PRICKLE2: variants seen among roughly 807,000 people sequenced by gnomAD.
PRICKLE2 encodes the protein prickle-like protein 2.
A neutral mutation model predicts 81.4 loss-of-function variants in PRICKLE2; 21 were observed. The ratio of observed to expected loss-of-function variants is 0.26; its 90% CI spans 0.18 to 0.37. The LOEUF (loss-of-function observed/expected upper bound fraction) is 0.37, where lower values mean the gene tolerates loss of function less well. PRICKLE2 is among the 10% of genes least tolerant of loss of function. PRICKLE2 has a pLI of 1.00. For synonymous variants in PRICKLE2, 456 were observed against 421.5 expected, an observed-to-expected ratio of 1.08 and a Z score of -1.00; for missense variants, 940 against 1,109.0, an observed-to-expected ratio of 0.85 and a Z score of 2.16.
intron 2 of PRICKLE2, among the ~76,000 whole-genome samples, chr3:64,258,868 A>AG (rs796939540): frequency 2.7e-5 from 4 of 150,584 alleles, no homozygotes; most frequent in African/African-American, 4.9e-5. Context: ...AAAGAAAGAA[A>AG]GAAAGAAAGA....
chr3:64,258,859 A>C (rs1438838389), intron 2 of PRICKLE2, among the ~76,000 whole-genome samples: 2 of 147,246 alleles, frequency 1.4e-5, no homozygotes, highest in South Asian at 4.3e-4. Context: ...GAAAGAAAGA[A>C]AGAAAGAAAG....
intron 2 of PRICKLE2, among the ~76,000 whole-genome samples, chr3:64,247,166 C>T (rs997919194): frequency 2.0e-5 from 3 of 152,284 alleles, no homozygotes; most frequent in South Asian, 2.1e-4. Context: ...TCTAGTAAAA[C>T]GTCCTCTAGC....
chr3:64,157,158 T>C lies in PRICKLE2; in HGVS notation c.600+4A>G. 6.2e-7 allele frequency: 1 copy of C among 1,613,846 alleles called. No homozygotes were observed. The highest frequency in any genetic ancestry group is 1.1e-5 in the South Asian group (1 of 91,074). Reference sequence around the variant, plus strand: ...CAGGTAAACCTGCTGGAGTTTGCTCTAACCTCATCGCAGGCAGCACAGCGC... The same window carrying C: ...CAGGTAAACCTGCTGGAGTTTGCTCCAACCTCATCGCAGGCAGCACAGCGC... On this transcript the variant is annotated splice_donor_region_variant and intron_variant, in intron 5 of 7. Transcript: ENST00000638394.
At chr3:64,240,486 C>T (rs965984678) in intron 2 of PRICKLE2, among the ~76,000 whole-genome samples, 1 of 152,204 alleles carries the variant, frequency 6.6e-6, no homozygotes, top group Non-Finnish European at 1.5e-5. Context: ...TATAGGAACT[C>T]TGCAGGACTC....
At chr3:64,158,437 C>T (rs1470090987) in intron 4 of PRICKLE2, among the ~76,000 whole-genome samples, 1 of 152,142 alleles carries the variant, frequency 6.6e-6, no homozygotes, top group Non-Finnish European at 1.5e-5. Context: ...TCCTATATAA[C>T]CCTCACATGA....
chr3:64,237,180 G>A (rs998202110), intron 2 of PRICKLE2, among the ~76,000 whole-genome samples: 25 of 152,166 alleles, frequency 1.6e-4, no homozygotes, highest in African/African-American at 3.1e-4. Flanking sequence ...TCCAGAGGGC[G>A]TATGTTACAA....
At chr3:64,154,996 A>G (rs2107030023) in intron 5 of PRICKLE2, 1 of 152,106 alleles carries the variant, frequency 6.6e-6, no homozygotes, top group Admixed American at 6.5e-5. Flanking sequence ...TAAAAATACA[A>G]AAATCAGCTG....
chr3:64,194,743 A>C (rs2078416476), intron 2 of PRICKLE2, among the ~76,000 whole-genome samples: 1 of 152,208 alleles, frequency 6.6e-6, no homozygotes, highest in Non-Finnish European at 1.5e-5. Flanking sequence ...TTTGAGTTTG[A>C]AATGAAATTG....
At chr3:64,157,399 T>C (rs372390751) in intron 4 of PRICKLE2, 34 bp from the exon 5 acceptor site, 717 of 1,597,272 alleles carry the variant, frequency 4.5e-4, no homozygotes, top group Admixed American at 7.4e-4. Context: ...GTAGTCACAC[T>C]AGCCCCCATC....
chr3:64,254,049 G>C (rs1239584000), intron 2 of PRICKLE2, among the ~76,000 whole-genome samples: 2 of 152,174 alleles, frequency 1.3e-5, no homozygotes, highest in African/African-American at 4.8e-5. Flanking sequence ...ATGTTTCGGG[G>C]CAGCCACAAC....
intron 7 of PRICKLE2, among the ~76,000 whole-genome samples, chr3:64,108,462 CCA>C (rs1405721565): frequency 6.6e-6 from 1 of 152,100 alleles, no homozygotes; most frequent in Non-Finnish European, 1.5e-5. Flanking sequence ...AGCTTAAACG[CCA>C]CCACATGTTT....
At chr3:64,163,219 A>G (rs1427886214) in intron 2 of PRICKLE2, 90 bp from the exon 3 acceptor site, 1 of 830,446 alleles carries the variant, frequency 1.2e-6, no homozygotes, top group African/African-American at 1.7e-5. Flanking sequence ...CCCCAGCAGG[A>G]TGTAACTGAC....
At chr3:64,100,037 T>TACACA in intron 7 of PRICKLE2, 112 bp from the exon 8 acceptor site, 2 of 1,238,852 alleles carry the variant, frequency 1.6e-6, no homozygotes, top group Non-Finnish European at 2.3e-6. Flanking sequence ...TGAAGTTGTG[T>TACACA]ACTGCACAAA....
Position 64,225,096 on chromosome 3 carries a change from G to T in PRICKLE2, c.-227C>A. On this transcript the variant is annotated 5_prime_UTR_variant, in exon 1 of 8. It adds an upstream start codon to the 5' untranslated region. Transcript: ENST00000638394. ...TGAACCCTTCCTGAAGCTGGCAACAGACTCAAGCCGAGCTGCTCCACATTC... is the reference window on the plus strand; with the variant it reads ...TGAACCCTTCCTGAAGCTGGCAACATACTCAAGCCGAGCTGCTCCACATTC... 1 of 985,378 alleles carries T rather than the reference G, an allele frequency of 1.0e-6. No homozygotes were observed. The highest frequency in any genetic ancestry group is 1.2e-6 in the Non-Finnish European group (1 of 829,982). 61.0% of individuals were successfully genotyped at this position (985,378 alleles called of 1,614,324 possible). A position where few individuals can be genotyped will look rare whatever the true frequency, so the allele number is the denominator to read the frequency against.
intron 1 of PRICKLE2, among the ~76,000 whole-genome samples, chr3:64,216,466 A>G (rs753797321): frequency 1.6e-4 from 24 of 152,238 alleles, no homozygotes; most frequent in Non-Finnish European, 3.2e-4. Flanking sequence ...GGCCAAAGTC[A>G]GCGCCTTACA....
At chr3:64,242,397 C>T (rs1275802651) in intron 2 of PRICKLE2, among the ~76,000 whole-genome samples, 1 of 152,104 alleles carries the variant, frequency 6.6e-6, no homozygotes, top group Non-Finnish European at 1.5e-5. Context: ...TTCCCAACCC[C>T]CTTTCTTCAA....
chr3:64,125,856 A>C (rs116519821), intron 7 of PRICKLE2, among the ~76,000 whole-genome samples: 1 of 152,340 alleles, frequency 6.6e-6, no homozygotes, highest in Non-Finnish European at 1.5e-5. Flanking sequence ...AGAACCTGAA[A>C]TACAAAACAC....
intron 2 of PRICKLE2, among the ~76,000 whole-genome samples, chr3:64,260,604 T>A (rs1319205809): frequency 6.6e-6 from 1 of 152,220 alleles, no homozygotes; most frequent in Non-Finnish European, 1.5e-5. Context: ...GCTTATGGGT[T>A]TTCAGAAATG....
intron 2 of PRICKLE2, among the ~76,000 whole-genome samples, chr3:64,165,967 TG>T (rs2077823403): frequency 2.4e-4 from 1 of 4,172 alleles, no homozygotes; most frequent in Non-Finnish European, 5.0e-4. Flanking sequence ...TATAAAGGTG[TG>T]TGTGTGTGTG....
Sources: gnomAD v4.1 joint callset for allele counts (sites outside exome capture counted in the v4.1 genomes callset) on GRCh38, gnomAD v4.1.1 for gene constraint, MANE v1.5 for transcripts, NCBI Gene and HGNC (gene_info 2026-07-23, HGNC 2026-07-21) for gene names.